SPATA6: variants seen among roughly 807,000 people sequenced by gnomAD.
SPATA6 encodes the protein spermatogenesis-associated protein 6.
Under a neutral mutation model 65.3 loss-of-function variants are expected in SPATA6, and 56 were observed. The observed-to-expected ratio is 0.86, with a 90% CI of 0.69 to 1.07. The LOEUF is 1.07. SPATA6 is among the 50% of genes least tolerant of loss of function. The pLI is 0.00. For missense variants in SPATA6, 590 were observed against 594.8 expected (o/e 0.99, Z 0.08); for synonymous variants, 199 against 213.2 (o/e 0.93, Z 0.58).
intron 9 of SPATA6, among the ~76,000 whole-genome samples, chr1:48,372,086 C>T (rs1212843446): frequency 6.6e-6 from 1 of 152,098 alleles, no homozygotes; most frequent in Non-Finnish European, 1.5e-5. Flanking sequence ...AATATCATGT[C>T]CTCACATTTC....
At position 48,374,234 on chromosome 1, in the gene SPATA6, A is replaced by G. The variant is rs1295132673; in HGVS notation, c.909+11075T>C. Among the ~76,000 whole-genome samples the G allele has an allele frequency of 1.1e-4, 17 of 152,178 alleles. No homozygotes were observed. In the East Asian group the frequency reaches 3.3e-3, roughly 29 times the overall value. ...GTTTACCTCTATAAAAAAATCCAAG[A>G]ACATCTATTACAAGATTATCATGCA... On this transcript the variant is annotated intron_variant, in intron 9 of 12. Transcript: ENST00000371847.
chr1:48,372,064 CT>C lies in SPATA6; in HGVS notation c.910-12295del, dbSNP rs541220578. On this transcript the variant is annotated intron_variant, in intron 9 of 12. Transcript: ENST00000371847. ...ACAGCCAAACCATATCATTCCACCC[CT>C]GGCACCTCCAAATATCATGTCCTCA... 3.9e-3 allele frequency among the ~76,000 whole-genome samples: 596 copies of C among 152,266 alleles called. 4 individuals carry two copies. The highest frequency in any genetic ancestry group is 6.4e-3 in the Non-Finnish European group (435 of 68,030).
intron 8 of SPATA6, among the ~76,000 whole-genome samples, chr1:48,393,652 G>A (rs1650289481): frequency 6.6e-6 from 1 of 152,000 alleles, no homozygotes; most frequent in Admixed American, 6.6e-5. Context: ...TGCTCAGGCT[G>A]CCATAACAAA....
At chr1:48,307,317 C>A (rs993896609) in intron 11 of SPATA6, among the ~76,000 whole-genome samples, 1 of 149,166 alleles carries the variant, frequency 6.7e-6, no homozygotes, top group South Asian at 2.1e-4. Flanking sequence ...TTATTCCTTT[C>A]AAATTTTCAG....
intron 11 of SPATA6, among the ~76,000 whole-genome samples, chr1:48,310,114 A>C (rs188242879): frequency 2.8e-3 from 420 of 152,224 alleles, no homozygotes; most frequent in African/African-American, 8.5e-3. Context: ...AAGGTTTTTC[A>C]TTGGTCTATT....
At chr1:48,376,133 C>T (rs1395241099) in intron 9 of SPATA6, among the ~76,000 whole-genome samples, 1 of 152,176 alleles carries the variant, frequency 6.6e-6, no homozygotes, top group African/African-American at 2.4e-5. Context: ...GTTCCTCCAT[C>T]ACCCTCAGGC....
At chr1:48,409,893 C>T (rs1652054404) in intron 5 of SPATA6, among the ~76,000 whole-genome samples, 2 of 152,232 alleles carry the variant, frequency 1.3e-5, no homozygotes, top group South Asian at 4.1e-4. Context: ...TCCTCTTAGG[C>T]CTCAAGGCCT....
chr1:48,455,337 T>C (rs951968298), intron 1 of SPATA6, among the ~76,000 whole-genome samples: 3 of 152,170 alleles, frequency 2.0e-5, no homozygotes, highest in Non-Finnish European at 2.9e-5. Flanking sequence ...TTTGAATACA[T>C]TGATTTAAAT....
rs1454224627 is a variant in SPATA6, at chr1:48,323,469, A to G, written c.1195-17591T>C. ...GCATTAGGAGAAATACCTGACGTAAATGATGAGTTGATGGGTGCAGCAAAC... is the reference window on the plus strand; with the variant it reads ...GCATTAGGAGAAATACCTGACGTAAGTGATGAGTTGATGGGTGCAGCAAAC... On this transcript the variant is annotated intron_variant, in intron 11 of 12. Transcript: ENST00000371847. Among the ~76,000 whole-genome samples the G allele has an allele frequency of 2.6e-5, 4 of 152,212 alleles. No individual in the cohort carries two copies. The East Asian group carries it at 7.7e-4, about 29-fold the overall frequency.
At chr1:48,399,707 G>GA in intron 6 of SPATA6, 63 bp from the exon 7 acceptor site, 4 of 1,419,030 alleles carry the variant, frequency 2.8e-6, no homozygotes, top group Non-Finnish European at 3.8e-6. Flanking sequence ...TGTTGGTGGG[G>GA]AAAAAATTAA....
chr1:48,443,527 A>T (rs1364382211), intron 3 of SPATA6, among the ~76,000 whole-genome samples: 4 of 152,216 alleles, frequency 2.6e-5, no homozygotes, highest in African/African-American at 9.6e-5. Flanking sequence ...TCCAGTAAGG[A>T]TACAATCCCA....
chr1:48,336,395 G>A (rs564293815), intron 11 of SPATA6, among the ~76,000 whole-genome samples: 2 of 152,078 alleles, frequency 1.3e-5, no homozygotes, highest in South Asian at 4.1e-4. Flanking sequence ...CCCATCAACA[G>A]TAGACTGGAT....
chr1:48,315,585 A>G (rs1204027937), intron 11 of SPATA6, among the ~76,000 whole-genome samples: 1 of 152,200 alleles, frequency 6.6e-6, no homozygotes, highest in Non-Finnish European at 1.5e-5. Flanking sequence ...CCAATATCAT[A>G]CTGAATGGGC....
rs1278303162 is a variant in SPATA6 at position 48,393,483 on chromosome 1, T to C, written c.868+1784A>G. Among the ~76,000 whole-genome samples, 3 of 152,272 alleles carry C rather than the reference T, an allele frequency of 2.0e-5. No homozygotes were observed. The East Asian group carries it at 5.8e-4, about 29-fold the overall frequency. On this transcript the variant is annotated intron_variant, in intron 8 of 12. Transcript: ENST00000371847. ...CAAAAGAGGCATGGCAGCTGAATGC[T>C]ATGTATGATGATATTTCTTTTGCTA...
At position 48,435,123 on chromosome 1, in the gene SPATA6, A is replaced by G. The variant is rs372820645; in HGVS notation, c.238+16429T>C. Among the ~76,000 whole-genome samples, 326 of 152,278 alleles carry G rather than the reference A, an allele frequency of 2.1e-3. 3 individuals carry two copies. Among genetic ancestry groups the G allele is most frequent in the African/African-American group, 7.5e-3 (313 of 41,548 alleles). ...AAATAGAATTGGAAAGTTCTATAAT[A>G]ATACTAATGTACTGACACTAATAAT... is the stretch of plus-strand genomic sequence containing the variant. On this transcript the variant is annotated intron_variant, in intron 3 of 12. Transcript: ENST00000371847.
At chr1:48,283,697 A>AAAAAAAAAAAAGAAAGAAAGAAAGAAAG in the SPATA6 span, among the ~76,000 whole-genome samples, 2 of 12,002 alleles carry the variant, frequency 1.7e-4, no homozygotes, top group East Asian at 3.0e-3. Context: ...AAAAAAAAAA[A>AAAAAAAAAAAAGAAAGAAAGAAAGAAAG]AAAGAAAGAA....
At chr1:48,273,014 A>C in the SPATA6 span, among the ~76,000 whole-genome samples, 2 of 152,172 alleles carry the variant, frequency 1.3e-5, no homozygotes, top group Admixed American at 1.3e-4. Context: ...TTTAGGATTT[A>C]ACCCCTTATT....
chr1:48,355,001 AC>A (rs1646617109), intron 11 of SPATA6, among the ~76,000 whole-genome samples: 1 of 151,978 alleles, frequency 6.6e-6, no homozygotes, highest in Admixed American at 6.6e-5. Flanking sequence ...GGTCATATAA[AC>A]CCCTTATACC....
rs1483463743 is a variant in SPATA6 at position 48,297,711 on chromosome 1, T to C, written c.*1002A>G. Reference sequence around the variant, plus strand: ...TTTCTTTATGTCTTTATAGTATCATTGGCTTCACAGGTGTGTGCTGGGGTG... The same window carrying C: ...TTTCTTTATGTCTTTATAGTATCATCGGCTTCACAGGTGTGTGCTGGGGTG... On this transcript the variant is annotated 3_prime_UTR_variant, in exon 13 of 13. Coordinates refer to ENST00000371847, the MANE Select transcript of SPATA6 (RefSeq NM_019073.4). 1 of 152,156 alleles carries C rather than the reference T, an allele frequency of 6.6e-6. No individual in the cohort carries two copies. The highest frequency in any genetic ancestry group is 6.6e-5 in the Admixed American group (1 of 15,258). The allele number at this position is 152,156 out of a possible 1,614,324, so 9.4% of individuals were successfully genotyped here. A position where few individuals can be genotyped will look rare whatever the true frequency, so the allele number is the denominator to read the frequency against.
Sources: gnomAD v4.1 joint callset for allele counts (sites outside exome capture counted in the v4.1 genomes callset) on GRCh38, gnomAD v4.1.1 for gene constraint, MANE v1.5 for transcripts, NCBI Gene and HGNC (gene_info 2026-07-23, HGNC 2026-07-21) for gene names.